TEX14: variants seen among roughly 807,000 people sequenced by gnomAD.
The protein encoded by TEX14 is testis expressed 14, intercellular bridge forming factor, also known as inactive serine/threonine-protein kinase TEX14.
A neutral mutation model predicts 178.6 loss-of-function variants in TEX14; 168 were observed. The ratio of observed to expected loss-of-function variants is 0.94; its 90% CI spans 0.83 to 1.07. The LOEUF is 1.07. Ranked by LOEUF, TEX14 falls within the 50% of genes least tolerant of loss-of-function variation. The probability of loss-of-function intolerance (pLI) is 0.00; values close to 1 mark genes in which losing one functional copy is unlikely to be tolerated. For missense variants in TEX14, 1,730 were observed against 1,753.6 expected, an observed-to-expected ratio of 0.99 and a Z score of 0.24; for synonymous variants, 626 against 634.1, an observed-to-expected ratio of 0.99 and a Z score of 0.19.
intron 19 of TEX14, among the ~76,000 whole-genome samples, chr17:58,579,944 G>A (rs2044771950): frequency 6.6e-6 from 1 of 152,114 alleles, no homozygotes; most frequent in African/African-American, 2.4e-5. Context: ...CTCTCATTGT[G>A]AAGAGGAATT....
chr17:58,588,422 T>A (rs148217205), intron 15 of TEX14, among the ~76,000 whole-genome samples: 1 of 152,208 alleles, frequency 6.6e-6, no homozygotes, highest in Non-Finnish European at 1.5e-5. Flanking sequence ...GCTTCCCAAG[T>A]AGCTGGGATT....
At chr17:58,561,421 A>C in intron 29 of TEX14, 99 bp downstream of exon 29, 1 of 831,936 alleles carries the variant, frequency 1.2e-6, no homozygotes, top group East Asian at 2.4e-5. Flanking sequence ...ATCTAAATCA[A>C]TGTAATGCCA....
chr17:58,672,184 G>A (rs2143483178), intron 1 of TEX14, among the ~76,000 whole-genome samples: 1 of 152,262 alleles, frequency 6.6e-6, no homozygotes, highest in Non-Finnish European at 1.5e-5. Context: ...CTAACAGGAG[G>A]AGGTGCTCAG....
chr17:58,662,927 G>A (rs986676441), intron 1 of TEX14, among the ~76,000 whole-genome samples: 1 of 151,608 alleles, frequency 6.6e-6, no homozygotes, highest in African/African-American at 2.4e-5. Context: ...AGACCATGGT[G>A]AAACCCCGTC....
intron 1 of TEX14, among the ~76,000 whole-genome samples, chr17:58,682,255 A>T (rs2047513100): frequency 6.8e-6 from 1 of 146,068 alleles, no homozygotes; most frequent in African/African-American, 2.5e-5. Flanking sequence ...CAGGCCACAG[A>T]GTCTTTCTTT....
intron 29 of TEX14, 25 bp downstream of exon 29, chr17:58,561,495 G>A: frequency 4.7e-6 from 7 of 1,498,836 alleles, no homozygotes; most frequent in Non-Finnish European, 6.5e-6. Flanking sequence ...AAGAAGAAAA[G>A]GATTCCCCTT....
intron 1 of TEX14, among the ~76,000 whole-genome samples, chr17:58,663,001 G>A (rs1156279700): frequency 6.6e-5 from 10 of 151,860 alleles, no homozygotes; most frequent in South Asian, 4.2e-4. Context: ...CCAGCCACTC[G>A]GAGAGGCTGA....
chr17:58,661,160 T>G, intron 1 of TEX14: 1 of 820,496 alleles, frequency 1.2e-6, no homozygotes, highest in South Asian at 1.3e-5. Flanking sequence ...GAGGCTAGGA[T>G]AAGCCGTGGA....
intron 19 of TEX14, among the ~76,000 whole-genome samples, chr17:58,582,568 T>TTC (rs2044848781): frequency 6.8e-6 from 1 of 146,078 alleles, no homozygotes; most frequent in African/African-American, 2.5e-5. Flanking sequence ...GCAAATTTCT[T>TTC]TTTTTTTTTT....
At position 58,657,496 on chromosome 17, in the gene TEX14, G is replaced by A. The variant is rs149009004; in HGVS notation, c.-1-5494C>T. ...TTATAATTTTGTCTGGGCAATACGG[G>A]AAATGCTTTTTTTTTTTTTTTTTTT... On this transcript the variant is annotated intron_variant, in intron 1 of 31. Transcript: ENST00000349033. Among the ~76,000 whole-genome samples, 24 of 145,358 alleles carry A rather than the reference G, an allele frequency of 1.7e-4. No homozygotes were observed. The East Asian group carries it at 4.4e-3, about 27-fold the overall frequency.
chr17:58,672,132 A>G (rs1222183011), intron 1 of TEX14, among the ~76,000 whole-genome samples: 1 of 152,092 alleles, frequency 6.6e-6, no homozygotes, highest in Non-Finnish European at 1.5e-5. Flanking sequence ...TCAGTTCACA[A>G]TAGGTTTCAC....
At chr17:58,631,957 T>C (rs921494356) in intron 2 of TEX14, 1 of 152,238 alleles carries the variant, frequency 6.6e-6, no homozygotes, top group Non-Finnish European at 1.5e-5. Context: ...CCAAAAACGA[T>C]CTTTCCACTA....
intron 2 of TEX14, among the ~76,000 whole-genome samples, chr17:58,632,274 A>G (rs1423170243): frequency 6.6e-6 from 1 of 152,262 alleles, no homozygotes; most frequent in Non-Finnish European, 1.5e-5. Flanking sequence ...GCGCCCTATT[A>G]TATTTTATAC....
chr17:58,557,183 G>A (rs952820033), intron 31 of TEX14, 136 bp from the exon 32 acceptor site: 11 of 715,020 alleles, frequency 1.5e-5, no homozygotes, highest in Admixed American at 4.3e-5. Context: ...AATCAAGGGC[G>A]ATTATAACCA....
At chr17:58,560,061 T>C (rs918034533) in intron 29 of TEX14, among the ~76,000 whole-genome samples, 1 of 152,198 alleles carries the variant, frequency 6.6e-6, no homozygotes, top group Non-Finnish European at 1.5e-5. Context: ...AAGACCATGT[T>C]TGTCAATCTA....
At position 58,599,027 on chromosome 17, in the gene TEX14, G is replaced by T; in HGVS notation, c.2318C>A (p.Ala773Asp). ...KEQEERMSLW[A>D]TSREFTNAYK... ...GGCATTTGTAAACTCTCTTGAAGTGGCCCATAAAGACATGCGCTCTTCCTG... is the reference window on the plus strand; with the variant it reads ...GGCATTTGTAAACTCTCTTGAAGTGTCCCATAAAGACATGCGCTCTTCCTG... Residue 773 changes from alanine (A) to aspartate (D), a missense_variant, in exon 14 of 32, where the codon GCC (alanine) becomes GAC (aspartate). Physicochemically the swap from Ala to Asp is moderately radical, Grantham distance 126. Around this residue, in one of 2 missense-constraint regions of TEX14, gnomAD observed 941 missense variants for 1,072.4 expected, o/e 0.88. Coordinates refer to ENST00000349033, the MANE Select transcript of TEX14 (RefSeq NM_031272.5). 1 of 1,613,880 alleles carries T rather than the reference G, an allele frequency of 6.2e-7. No individual in the cohort carries two copies. The highest frequency in any genetic ancestry group is 8.5e-7 in the Non-Finnish European group (1 of 1,179,948).
intron 1 of TEX14, among the ~76,000 whole-genome samples, chr17:58,689,091 C>A (rs149348010): frequency 1.3e-5 from 2 of 151,782 alleles, no homozygotes; most frequent in South Asian, 2.1e-4. Flanking sequence ...CCACCACACC[C>A]GGCTAATTTT....
intron 2 of TEX14, among the ~76,000 whole-genome samples, chr17:58,640,644 T>TGTGTGAGAGA (rs1555577606): frequency 4.0e-4 from 59 of 147,138 alleles, no homozygotes; most frequent in Admixed American, 1.1e-3. Flanking sequence ...TGTGTGTGTG[T>TGTGTGAGAGA]GAGAGAGAGA....
chr17:58,578,814 C>T (rs1716618732), intron 20 of TEX14, among the ~76,000 whole-genome samples: 1 of 152,220 alleles, frequency 6.6e-6, no homozygotes, highest in Non-Finnish European at 1.5e-5. Flanking sequence ...TCTTAAAATG[C>T]TCCCAACTCT....
Sources: allele counts gnomAD v4.1 joint callset (sites outside exome capture counted in the v4.1 genomes callset), GRCh38; gene constraint gnomAD v4.1.1; regional missense constraint gnomAD v4.1.1; transcripts MANE v1.5; gene names NCBI Gene and HGNC (gene_info 2026-07-23, HGNC 2026-07-21).